Variants in MTPN observed in about 807,000 individuals in gnomAD.
MTPN encodes the protein myotrophin.
In MTPN, 2 loss-of-function variants were observed where a neutral mutation model predicts 13.5. The ratio of observed to expected loss-of-function variants is 0.15; its 90% CI spans 0.06 to 0.47. MTPN has a LOEUF of 0.47. Ranked by LOEUF, MTPN falls within the 20% of genes least tolerant of loss-of-function variation. MTPN has a pLI of 0.97. For synonymous variants in MTPN, 46 were observed against 51.7 expected (o/e 0.89, Z 0.48); for missense variants, 79 against 137.9 (o/e 0.57, Z 2.14).
intron 3 of MTPN, among the ~76,000 whole-genome samples, chr7:135,940,314 C>G (rs1238087951): frequency 6.6e-6 from 1 of 152,160 alleles, no homozygotes; most frequent in Non-Finnish European, 1.5e-5. Flanking sequence ...ATTATACATA[C>G]TTTGCAATTT....
chr7:135,973,235 G>C (rs2116415532), intron 1 of MTPN, among the ~76,000 whole-genome samples: 1 of 146,036 alleles, frequency 6.8e-6, no homozygotes, highest in African/African-American at 2.5e-5. Context: ...TTCCAGCCTG[G>C]ACTATATATT....
chr7:135,972,249 A>G (rs1356511495), intron 1 of MTPN, among the ~76,000 whole-genome samples: 1 of 135,718 alleles, frequency 7.4e-6, no homozygotes, highest in Non-Finnish European at 1.6e-5. Context: ...ACACACACAC[A>G]CACACACACA....
chr7:135,934,832 C>T (rs1055704107), intron 3 of MTPN, among the ~76,000 whole-genome samples: 1 of 152,170 alleles, frequency 6.6e-6, no homozygotes, highest in African/African-American at 2.4e-5. Flanking sequence ...CTCTCCCCTG[C>T]CTTCCTTTAC....
intron 3 of MTPN, among the ~76,000 whole-genome samples, chr7:135,940,064 G>A (rs937571574): frequency 3.9e-5 from 6 of 152,126 alleles, no homozygotes; most frequent in Non-Finnish European, 7.4e-5. Flanking sequence ...CAATTTATAT[G>A]CATTTTAGAA....
Position 135,927,262 on chromosome 7 carries a change from G to A in MTPN, c.*2664C>T, listed in dbSNP as rs1342204390. The stretch of plus-strand genomic sequence containing the variant: ...CACCTACCTACTACCTCTCTTCCAT[G>A]CTTAACTGGGTTTAGAAAGGTGAGC... On this transcript the variant is annotated 3_prime_UTR_variant, in exon 4 of 4. Coordinates refer to ENST00000393085, the MANE Select transcript of MTPN (RefSeq NM_145808.4). 6.5e-7 allele frequency: 1 copy of A among 1,533,978 alleles called. No homozygotes were observed. The highest frequency in any genetic ancestry group is 2.5e-5 in the East Asian group (1 of 40,584).
In MTPN at chr7:135,927,110, GA is replaced by G. The variant is rs1798931654; in HGVS notation, c.*2815del. 6.1e-6 allele frequency: 3 copies of G among 495,632 alleles called. No individual in the cohort carries two copies. The highest frequency in any genetic ancestry group is 4.0e-5 in the Admixed American group (1 of 25,292). 30.7% of individuals were successfully genotyped at this position (495,632 alleles called of 1,614,324 possible). A position where few individuals can be genotyped will look rare whatever the true frequency, so the allele number is the denominator to read the frequency against. On this transcript the variant is annotated 3_prime_UTR_variant, in exon 4 of 4. Transcript: ENST00000393085. ...ATTGAGTATACAATATTGCATGGAAGAAAACAGCAGCTCAACTGAAATATTA... is the reference window on the plus strand; with the variant it reads ...ATTGAGTATACAATATTGCATGGAAGAAACAGCAGCTCAACTGAAATATTA...
intron 1 of MTPN, among the ~76,000 whole-genome samples, chr7:135,955,996 G>A (rs913636958): frequency 2.0e-5 from 3 of 152,174 alleles, no homozygotes; most frequent in Admixed American, 6.5e-5. Context: ...ATAAGACAAG[G>A]ATGTCTGTTC....
At chr7:135,945,848 CTCCA>C (rs1333774071) in intron 3 of MTPN, among the ~76,000 whole-genome samples, 1 of 152,128 alleles carries the variant, frequency 6.6e-6, no homozygotes, top group African/African-American at 2.4e-5. Flanking sequence ...ACACCAGCAT[CTCCA>C]TAAGCACACT....
intron 1 of MTPN, among the ~76,000 whole-genome samples, chr7:135,975,050 T>C (rs1799751660): frequency 6.6e-6 from 1 of 152,218 alleles, no homozygotes; most frequent in South Asian, 2.1e-4. Flanking sequence ...CAATACTCCC[T>C]TTTGCTTTTT....
intron 3 of MTPN, 119 bp downstream of exon 3, chr7:135,950,480 T>G: frequency 1.2e-6 from 1 of 814,040 alleles, no homozygotes. Context: ...ACTTCAATTT[T>G]GTATATTGCT....
At chr7:135,947,751 A>G (rs1025802560) in intron 3 of MTPN, among the ~76,000 whole-genome samples, 3 of 152,142 alleles carry the variant, frequency 2.0e-5, no homozygotes, top group African/African-American at 7.2e-5. Context: ...ACTTTCAAGC[A>G]GTTAGACCAC....
intron 1 of MTPN, among the ~76,000 whole-genome samples, chr7:135,959,535 C>T (rs559222763): frequency 2.0e-5 from 3 of 152,182 alleles, no homozygotes; most frequent in South Asian, 2.1e-4. Context: ...AGAACATAAA[C>T]GGTGAAATTC....
chr7:135,927,525 C>T lies in MTPN; in HGVS notation c.*2401G>A. The T allele has an allele frequency of 1.0e-6, 1 of 983,096 alleles. No homozygotes were observed. Among genetic ancestry groups the T allele is most frequent in the Non-Finnish European group, 1.5e-6 (1 of 653,498 alleles). The allele number at this position is 983,096 out of a possible 1,614,324, so 60.9% of individuals were successfully genotyped here. A position where few individuals can be genotyped will look rare whatever the true frequency, so the allele number is the denominator to read the frequency against. On this transcript the variant is annotated 3_prime_UTR_variant, in exon 4 of 4. Coordinates refer to ENST00000393085, the MANE Select transcript of MTPN (RefSeq NM_145808.4). ...TCAGTGGAGAACAAAACTTACTTAACCTTTCGCTAATGCATGTAGTACCAG... is the reference window on the plus strand; with the variant it reads ...TCAGTGGAGAACAAAACTTACTTAATCTTTCGCTAATGCATGTAGTACCAG...
intron 3 of MTPN, among the ~76,000 whole-genome samples, chr7:135,944,445 G>A (rs1799258988): frequency 1.3e-5 from 2 of 152,118 alleles, no homozygotes; most frequent in Non-Finnish European, 2.9e-5. Flanking sequence ...GGAGGCCGAG[G>A]CAGGCGGATC....
intron 3 of MTPN, among the ~76,000 whole-genome samples, chr7:135,934,016 G>A (rs1436704766): frequency 6.6e-6 from 1 of 152,056 alleles, no homozygotes; most frequent in South Asian, 2.1e-4. Context: ...TGCCAGGATT[G>A]TTAAGTTTCC....
chr7:135,945,235 C>T (rs1799272917), intron 3 of MTPN, among the ~76,000 whole-genome samples: 1 of 152,278 alleles, frequency 6.6e-6, no homozygotes, highest in Admixed American at 6.5e-5. Context: ...CATTACTACA[C>T]ACTACTATAG....
At chr7:135,942,023 A>G (rs1799219907) in intron 3 of MTPN, among the ~76,000 whole-genome samples, 1 of 151,878 alleles carries the variant, frequency 6.6e-6, no homozygotes, top group Admixed American at 6.6e-5. Flanking sequence ...AGCTGAGATA[A>G]CAGGCACCTG....
chr7:135,930,142 C>G (rs1798995362), intron 3 of MTPN, 130 bp from the exon 4 acceptor site: 3 of 688,468 alleles, frequency 4.4e-6, no homozygotes, highest in Non-Finnish European at 7.3e-6. Flanking sequence ...GGAGTCTATT[C>G]TACTGCAGAA....
At position 135,929,664 on chromosome 7, in the gene MTPN, A is replaced by C; in HGVS notation, c.*262T>G. ...ATTTTGTCTTTGCTCTCCCTTGGGTATAAGGTGTATATTTTATTAGAAAGG... is the reference window on the plus strand; with the variant it reads ...ATTTTGTCTTTGCTCTCCCTTGGGTCTAAGGTGTATATTTTATTAGAAAGG... On this transcript the variant is annotated 3_prime_UTR_variant, in exon 4 of 4. Transcript: ENST00000393085. 1 of 455,292 alleles carries C rather than the reference A, an allele frequency of 2.2e-6. No homozygotes were observed. Among genetic ancestry groups the C allele is most frequent in the Non-Finnish European group, 4.2e-6 (1 of 237,642 alleles). 28.2% of individuals were successfully genotyped at this position (455,292 alleles called of 1,614,324 possible). A position where few individuals can be genotyped will look rare whatever the true frequency, so the allele number is the denominator to read the frequency against.
Sources: gnomAD v4.1 joint callset for allele counts (sites outside exome capture counted in the v4.1 genomes callset) on GRCh38, gnomAD v4.1.1 for gene constraint, MANE v1.5 for transcripts, NCBI Gene and HGNC (gene_info 2026-07-23, HGNC 2026-07-21) for gene names.